The following TMOD1 variants were observed in gnomAD, a reference collection of about 807,000 sequenced individuals.
TMOD1 encodes tropomodulin 1, also known as tropomodulin-1.
A neutral mutation model predicts 40.6 loss-of-function variants in TMOD1; 17 were observed. The observed-to-expected ratio is 0.42, with a 90% CI of 0.29 to 0.63. The LOEUF (loss-of-function observed/expected upper bound fraction) is 0.63, where lower values mean the gene tolerates loss of function less well. Ranked by LOEUF, TMOD1 falls within the 20% of genes least tolerant of loss-of-function variation. The pLI is 0.22. For missense variants in TMOD1, 391 were observed against 447.6 expected (o/e 0.87, Z 1.14); for synonymous variants, 181 against 175.0 (o/e 1.03, Z -0.27).
intron 1 of TMOD1, among the ~76,000 whole-genome samples, chr9:97,504,316 A>T (rs910797935): frequency 6.6e-6 from 1 of 152,124 alleles, no homozygotes; most frequent in Admixed American, 6.5e-5. Flanking sequence ...GAAGTTCTCC[A>T]CTTCTTCAGG....
intron 1 of TMOD1, among the ~76,000 whole-genome samples, chr9:97,507,096 G>A (rs1321632458): frequency 6.6e-6 from 1 of 152,150 alleles, no homozygotes; most frequent in Non-Finnish European, 1.5e-5. Flanking sequence ...TTAAGATAGT[G>A]GATTTTTAAA....
Position 97,553,291 on chromosome 9 carries a change from G to C in TMOD1, c.288G>C (p.Trp96Cys). Residue 96 changes from tryptophan (W) to cysteine (C), a missense_variant, in exon 4 of 10, where the codon TGG (tryptophan) becomes TGC (cysteine). Transcript: ENST00000259365. Reference protein sequence around the residue: ...PYTGEKRGKVWVPKQKPLDPV... With the variant: ...PYTGEKRGKVCVPKQKPLDPV... Reference sequence around the variant, plus strand: ...CCTGTGTGTTTGCAGGAAAGGTCTGGGTTCCTAAGCAGAAGCCACTGGATC... The same window carrying C: ...CCTGTGTGTTTGCAGGAAAGGTCTGCGTTCCTAAGCAGAAGCCACTGGATC... The C allele has an allele frequency of 6.2e-7, 1 of 1,614,136 alleles. No homozygotes were observed. Among genetic ancestry groups the C allele is most frequent in the Non-Finnish European group, 8.5e-7 (1 of 1,180,028 alleles).
chr9:97,576,160 G>A (rs1830935272), intron 8 of TMOD1, among the ~76,000 whole-genome samples: 1 of 152,152 alleles, frequency 6.6e-6, no homozygotes, highest in Admixed American at 6.5e-5. Flanking sequence ...GAAAAAGGTG[G>A]GCTAGGCATG....
chr9:97,557,941 C>CA lies in TMOD1; in HGVS notation c.397+4542dup, dbSNP rs1420478867. ...CCAATATCTACAAAGAATGAAGCAA[C>CA]AGGCAATGTTGATGTGCCGTTTTCT... On this transcript the variant is annotated intron_variant, in intron 4 of 9. Coordinates refer to ENST00000259365, the MANE Select transcript of TMOD1 (RefSeq NM_003275.4). This position sits in a 1 kb window ranked among gnomAD's most constrained non-coding sequence, Gnocchi z 4.4. Among the ~76,000 whole-genome samples the CA allele has an allele frequency of 6.6e-6, 1 of 151,836 alleles. No individual in the cohort carries two copies. Among genetic ancestry groups the CA allele is most frequent in the Non-Finnish European group, 1.5e-5 (1 of 67,988 alleles).
At chr9:97,574,642 T>C (rs1444216988) in intron 8 of TMOD1, among the ~76,000 whole-genome samples, 1 of 152,212 alleles carries the variant, frequency 6.6e-6, no homozygotes, top group African/African-American at 2.4e-5. Flanking sequence ...GGCTCCTGAG[T>C]CTGGTGGGGA....
chr9:97,511,939 C>T (rs1587911616), intron 1 of TMOD1, among the ~76,000 whole-genome samples: 1 of 152,192 alleles, frequency 6.6e-6, no homozygotes, highest in African/African-American at 2.4e-5. Context: ...CAGAAATCTA[C>T]TTCCTGGTAA....
intron 9 of TMOD1, among the ~76,000 whole-genome samples, chr9:97,592,831 A>T (rs746184447): frequency 6.6e-6 from 1 of 152,214 alleles, no homozygotes; most frequent in Non-Finnish European, 1.5e-5. Flanking sequence ...CCCAGGAGCT[A>T]TTCATTCATT....
chr9:97,554,933 T>C (rs1830512487), intron 4 of TMOD1, among the ~76,000 whole-genome samples: 1 of 152,148 alleles, frequency 6.6e-6, no homozygotes, highest in South Asian at 2.1e-4. Context: ...AAGCCAGGTC[T>C]GGGGGACCTG....
intron 4 of TMOD1, chr9:97,555,631 T>C: frequency 1.3e-6 from 2 of 1,551,004 alleles, no homozygotes; most frequent in Non-Finnish European, 1.7e-6. Flanking sequence ...TCATTTGATG[T>C]TGGACATTTG....
intron 8 of TMOD1, among the ~76,000 whole-genome samples, chr9:97,589,117 C>CAAA (rs755141854): frequency 8.9e-5 from 6 of 67,304 alleles, no homozygotes; most frequent in Admixed American, 4.8e-4. Flanking sequence ...GACTCTGTCT[C>CAAA]AAAAAAAAAA....
At chr9:97,529,170 G>T (rs1231127915) in intron 2 of TMOD1, among the ~76,000 whole-genome samples, 2 of 152,322 alleles carry the variant, frequency 1.3e-5, no homozygotes, top group Non-Finnish European at 2.9e-5. Context: ...TGTGGTTGGG[G>T]GTCGCTGTAG....
At chr9:97,551,012 ATATTTTTTTTTTTTTTTTTTTT>A (rs377603352) in intron 3 of TMOD1, among the ~76,000 whole-genome samples, 1 of 39,356 alleles carries the variant, frequency 2.5e-5, no homozygotes, top group Non-Finnish European at 4.5e-5. Flanking sequence ...ATATATATAT[ATATTTTTTTTTTTTTTTTTTTT>A]TTTTTTTTAG....
At position 97,600,530 on chromosome 9, in the gene TMOD1, T is replaced by A. The variant is rs376273233; in HGVS notation, c.*832T>A. 3 of 985,838 alleles carry A rather than the reference T, an allele frequency of 3.0e-6. No homozygotes were observed. In the South Asian group the frequency reaches 1.4e-4, roughly 46 times the overall value. The allele number at this position is 985,838 out of a possible 1,614,324, so 61.1% of individuals were successfully genotyped here. A position where few individuals can be genotyped will look rare whatever the true frequency, so the allele number is the denominator to read the frequency against. ...ATACTTTTGAAAACACCTTTCTATA[T>A]TGCACAGTGGGCAAATGGCTTATGT... On this transcript the variant is annotated 3_prime_UTR_variant, in exon 10 of 10. Transcript: ENST00000259365.
chr9:97,560,671 A>G (rs893292800), intron 4 of TMOD1, among the ~76,000 whole-genome samples: 31 of 147,110 alleles, frequency 2.1e-4, no homozygotes, highest in African/African-American at 5.7e-4. Flanking sequence ...TTTGTATTGT[A>G]TATATATATA....
chr9:97,550,136 A>G (rs1335043688), intron 3 of TMOD1, among the ~76,000 whole-genome samples: 1 of 152,256 alleles, frequency 6.6e-6, no homozygotes, highest in East Asian at 1.9e-4. Flanking sequence ...GAAATCATAC[A>G]ATATGTGACT....
At chr9:97,579,131 T>C (rs1825683364) in intron 8 of TMOD1, among the ~76,000 whole-genome samples, 1 of 152,170 alleles carries the variant, frequency 6.6e-6, no homozygotes, top group Admixed American at 6.5e-5. Flanking sequence ...GTGGCCAGCT[T>C]TCTGAGCCCA....
rs766065830 is a variant in TMOD1 at position 97,568,984 on chromosome 9, G to A, written c.817G>A (p.Val273Ile). 16 of 1,614,038 alleles carry A rather than the reference G, an allele frequency of 9.9e-6. No individual in the cohort carries two copies. The South Asian group carries it at 1.5e-4, about 16-fold the overall frequency. Residue 273 changes from valine (V) to isoleucine (I), a missense_variant, in exon 8 of 10, where the codon GTA (valine) becomes ATA (isoleucine). Coordinates refer to ENST00000259365, the MANE Select transcript of TMOD1 (RefSeq NM_003275.4). ...FISGAGILRLVEALPYNTSLV... is the reference protein window; with the variant it reads ...FISGAGILRLIEALPYNTSLV... ...TTCTGGAGCTGGGATTCTGCGCCTG[G>A]TAGAAGCCCTCCCATACAACACTTC... is the stretch of plus-strand genomic sequence containing the variant.
Position 97,515,594 on chromosome 9 carries a change from T to C in TMOD1, c.-48-8547T>C, listed in dbSNP as rs114757086. 9.4e-3 allele frequency among the ~76,000 whole-genome samples: 1,435 copies of C among 152,300 alleles called. 21 individuals are homozygous for C. Among genetic ancestry groups the C allele is most frequent in the African/African-American group, 0.034 (1,396 of 41,574 alleles). On this transcript the variant is annotated intron_variant, in intron 1 of 9. Coordinates refer to ENST00000259365, the MANE Select transcript of TMOD1 (RefSeq NM_003275.4). ...CACGCTCAGCCTATTTTGGTACCTT[T>C]AATGGCACTTTTGTCTTGCCTTTTG...
At chr9:97,550,092 A>G (rs1469561272) in intron 3 of TMOD1, among the ~76,000 whole-genome samples, 3 of 152,202 alleles carry the variant, frequency 2.0e-5, no homozygotes, top group African/African-American at 7.2e-5. Flanking sequence ...ATCTGTATCT[A>G]TGGATTTACT....
Sources: allele counts gnomAD v4.1 joint callset (sites outside exome capture counted in the v4.1 genomes callset), GRCh38; gene constraint gnomAD v4.1.1; non-coding constraint Gnocchi (gnomAD v3.1); transcripts MANE v1.5; gene names NCBI Gene and HGNC (gene_info 2026-07-23, HGNC 2026-07-21).